NAA60: variants seen among roughly 807,000 people sequenced by gnomAD.
NAA60 encodes the protein N-alpha-acetyltransferase 60, NatF catalytic subunit, also known as N-alpha-acetyltransferase 60.
Under a neutral mutation model 26.1 loss-of-function variants are expected in NAA60, and 8 were observed. The ratio of observed to expected loss-of-function variants is 0.31; its 90% CI spans 0.18 to 0.55. The LOEUF (loss-of-function observed/expected upper bound fraction) is 0.55, where lower values mean the gene tolerates loss of function less well. Among genes scored for constraint, NAA60 ranks in the 20% least tolerant of loss-of-function variants. The pLI, the probability that NAA60 is intolerant of heterozygous loss-of-function variation, is 0.93. For synonymous variants in NAA60, 131 were observed against 122.5 expected (o/e 1.07, Z -0.46); for missense variants, 290 against 311.3 (o/e 0.93, Z 0.51).
At chr16:3,483,672 G>T (rs1452981585) in intron 6 of NAA60, 75 bp downstream of exon 6, 2 of 1,150,664 alleles carry the variant, frequency 1.7e-6, no homozygotes, top group East Asian at 4.8e-5. Context: ...GCAAGTTGGA[G>T]CTGTGGTCCC....
intron 2 of NAA60, among the ~76,000 whole-genome samples, chr16:3,458,872 G>C (rs1457693538): frequency 6.6e-6 from 1 of 152,148 alleles, no homozygotes; most frequent in Non-Finnish European, 1.5e-5. Flanking sequence ...TAGCTTTTGT[G>C]GTTTGTCCTG....
chr16:3,484,574 C>T lies in NAA60; in HGVS notation c.573-125C>T, dbSNP rs532891304. 903 of 1,304,896 alleles carry T rather than the reference C, an allele frequency of 6.9e-4. 4 individuals carry two copies. The African/African-American group carries it at 0.011, about 16-fold the overall frequency. The allele number at this position is 1,304,896 out of a possible 1,614,324, so 80.8% of individuals were successfully genotyped here. A position where few individuals can be genotyped will look rare whatever the true frequency, so the allele number is the denominator to read the frequency against. On this transcript the variant is annotated intron_variant, in intron 6 of 7. Coordinates refer to ENST00000407558, the MANE Select transcript of NAA60 (RefSeq NM_001083601.3). ...CAGCTCTGCAGAGGCTTAGCGGGCT[C>T]TCAGCCTCCGAAGCCTGGCTTGCCA...
chr16:3,469,515 G>GTTAT (rs2035989190), intron 2 of NAA60, among the ~76,000 whole-genome samples: 58 of 81,232 alleles, frequency 7.1e-4, no homozygotes, highest in Non-Finnish European at 9.2e-4. Context: ...TTGCTGCTCC[G>GTTAT]CACAGCACTG....
In NAA60 at chr16:3,484,304, G is replaced by T. The variant is rs532977490; in HGVS notation, c.573-395G>T. 1.2e-4 allele frequency among the ~76,000 whole-genome samples: 18 copies of T among 152,278 alleles called. 1 individual carries two copies. In the South Asian group the frequency reaches 2.3e-3, roughly 19 times the overall value. Reference sequence around the variant, plus strand: ...TTATGTGAAGACAGGCATCCAGGGGGTCAGCACTGTTGACCCCCTCCTTGT... The same window carrying T: ...TTATGTGAAGACAGGCATCCAGGGGTTCAGCACTGTTGACCCCCTCCTTGT... On this transcript the variant is annotated intron_variant, in intron 6 of 7. Transcript: ENST00000407558.
intron 2 of NAA60, among the ~76,000 whole-genome samples, chr16:3,456,208 G>A (rs2034986166): frequency 6.6e-6 from 1 of 152,118 alleles, no homozygotes; most frequent in African/African-American, 2.4e-5. Context: ...CTCACATGGG[G>A]GTCTTGTTGA....
At chr16:3,472,215 C>G (rs2036195411) in intron 2 of NAA60, 1 of 152,226 alleles carries the variant, frequency 6.6e-6, no homozygotes, top group South Asian at 2.1e-4. Context: ...GCCACGTGCC[C>G]AGGACCCACC....
At chr16:3,448,146 C>T (rs2034627634) in intron 1 of NAA60, among the ~76,000 whole-genome samples, 1 of 152,010 alleles carries the variant, frequency 6.6e-6, no homozygotes, top group Non-Finnish European at 1.5e-5. Flanking sequence ...TGGTCACTCA[C>T]ACCTATAATT....
intron 2 of NAA60, among the ~76,000 whole-genome samples, chr16:3,471,230 C>T (rs1276269125): frequency 2.0e-5 from 3 of 151,114 alleles, no homozygotes; most frequent in Admixed American, 6.6e-5. Flanking sequence ...GGGCCGGGCG[C>T]GGTGCTCACA....
intron 4 of NAA60, among the ~76,000 whole-genome samples, chr16:3,480,344 C>A (rs781235281): frequency 1.3e-5 from 2 of 152,156 alleles, no homozygotes; most frequent in Non-Finnish European, 2.9e-5. Flanking sequence ...TGCCTGTAAT[C>A]TCAGCACTTT....
intron 2 of NAA60, chr16:3,468,069 A>T (rs1297728404): frequency 1.3e-5 from 2 of 152,216 alleles, no homozygotes; most frequent in Non-Finnish European, 1.5e-5. Context: ...TGGTTGAGGA[A>T]AGCAGCCAAC....
intron 2 of NAA60, among the ~76,000 whole-genome samples, chr16:3,465,665 G>A (rs1052132575): frequency 6.6e-6 from 1 of 152,166 alleles, no homozygotes; most frequent in African/African-American, 2.4e-5. Context: ...CTTCTTCTGT[G>A]TGACCCCTGC....
intron 3 of NAA60, 81 bp downstream of exon 3, chr16:3,476,418 T>C: frequency 1.7e-6 from 2 of 1,195,846 alleles, no homozygotes; most frequent in Non-Finnish European, 2.4e-6. Flanking sequence ...GGGGGCCTCT[T>C]GGGCCCTTAG....
At chr16:3,469,127 G>A (rs2035955957) in intron 2 of NAA60, among the ~76,000 whole-genome samples, 1 of 151,534 alleles carries the variant, frequency 6.6e-6, no homozygotes, top group South Asian at 2.1e-4. Flanking sequence ...GCATTCTCCC[G>A]TGCAATACTT....
intron 2 of NAA60, among the ~76,000 whole-genome samples, chr16:3,455,426 T>G (rs2034948769): frequency 7.3e-6 from 1 of 137,622 alleles, no homozygotes; most frequent in Non-Finnish European, 1.6e-5. Flanking sequence ...AGTCTCGCTC[T>G]GTCTGTCACC....
At chr16:3,484,174 C>CGTGT (rs143827491) in intron 6 of NAA60, among the ~76,000 whole-genome samples, 2 of 151,792 alleles carry the variant, frequency 1.3e-5, no homozygotes, top group East Asian at 1.9e-4. Context: ...AAATGCTGTG[C>CGTGT]GTGTGTGTGT....
intron 2 of NAA60, among the ~76,000 whole-genome samples, chr16:3,468,404 C>A (rs2035901461): frequency 6.6e-6 from 1 of 152,182 alleles, no homozygotes; most frequent in Non-Finnish European, 1.5e-5. Context: ...TGCCTCCAGA[C>A]CCTATTCTCC....
intron 2 of NAA60, among the ~76,000 whole-genome samples, chr16:3,455,248 G>C (rs539544910): frequency 1.3e-5 from 2 of 152,150 alleles, no homozygotes; most frequent in Admixed American, 6.5e-5. Flanking sequence ...TTTTAGTAGA[G>C]ATGGGGTTTC....
At chr16:3,471,480 G>C (rs190325328) in intron 2 of NAA60, among the ~76,000 whole-genome samples, 4 of 152,182 alleles carry the variant, frequency 2.6e-5, no homozygotes, top group East Asian at 1.9e-4. Flanking sequence ...TCCAGCCTTG[G>C]GGGGCAGAGC....
intron 2 of NAA60, among the ~76,000 whole-genome samples, chr16:3,465,464 G>C (rs575550663): frequency 6.6e-6 from 1 of 152,110 alleles, no homozygotes; most frequent in African/African-American, 2.4e-5. Context: ...GACTGAGTGG[G>C]GCCACAAAAG....
Sources: gnomAD v4.1 joint callset for allele counts (sites outside exome capture counted in the v4.1 genomes callset) on GRCh38, gnomAD v4.1.1 for gene constraint, MANE v1.5 for transcripts, NCBI Gene and HGNC (gene_info 2026-07-23, HGNC 2026-07-21) for gene names.